The following SPNS2 variants were observed in gnomAD, a reference collection of about 807,000 sequenced individuals.
The protein encoded by SPNS2 is SPNS lysolipid transporter 2, sphingosine-1-phosphate.
Under a neutral mutation model 57.6 loss-of-function variants are expected in SPNS2, and 37 were observed. The observed-to-expected ratio is 0.64, with a 90% CI of 0.49 to 0.85. The LOEUF (loss-of-function observed/expected upper bound fraction) is 0.85. Among genes scored for constraint, SPNS2 ranks in the 40% least tolerant of loss-of-function variants. The probability of loss-of-function intolerance (pLI) is 0.00; values close to 1 mark genes in which losing one functional copy is unlikely to be tolerated. For synonymous variants in SPNS2, 440 were observed against 346.9 expected (o/e 1.27, Z -2.98); for missense variants, 831 against 779.1 (o/e 1.07, Z -0.79).
At chr17:4,522,198 CAGAAAAAAA>C (rs1905157141) in intron 2 of SPNS2, among the ~76,000 whole-genome samples, 1 of 152,090 alleles carries the variant, frequency 6.6e-6, no homozygotes, top group South Asian at 2.1e-4. Flanking sequence ...AACTCCATCT[CAGAAAAAAA>C]AGAAATGAGC....
intron 9 of SPNS2, among the ~76,000 whole-genome samples, chr17:4,534,884 G>A (rs1450789148): frequency 6.6e-6 from 1 of 152,080 alleles, no homozygotes; most frequent in Admixed American, 6.5e-5. Context: ...CCACCCCCAG[G>A]GAGCGCCTGA....
intron 5 of SPNS2, among the ~76,000 whole-genome samples, chr17:4,532,252 CACTG>C: frequency 6.6e-6 from 1 of 152,162 alleles, no homozygotes; most frequent in Non-Finnish European, 1.5e-5. Context: ...TCTATCCACC[CACTG>C]CTCCACTCAC....
Position 4,530,001 on chromosome 17 carries a change from C to T in SPNS2, c.574-631C>T, listed in dbSNP as rs568842954. Among the ~76,000 whole-genome samples, 11 of 152,250 alleles carry T rather than the reference C, an allele frequency of 7.2e-5. No individual in the cohort carries two copies. The East Asian group carries it at 9.7e-4, about 13-fold the overall frequency. ...ATGACCAGGCTGGGTTCTCAGGCCC[C>T]GGGCAGCTGGGGGACGGAGGGAGCA... is the stretch of plus-strand genomic sequence containing the variant. On this transcript the variant is annotated intron_variant, in intron 3 of 12. Coordinates refer to ENST00000329078, the MANE Select transcript of SPNS2 (RefSeq NM_001124758.3).
At position 4,532,787 on chromosome 17, in the gene SPNS2, C is replaced by T. The variant is rs912410033; in HGVS notation, c.935+103C>T. 5 of 1,475,848 alleles carry T rather than the reference C, an allele frequency of 3.4e-6. No individual in the cohort carries two copies. In the African/African-American group the frequency reaches 5.6e-5, roughly 16 times the overall value. 91.4% of individuals were successfully genotyped at this position (1,475,848 alleles called of 1,614,324 possible). A position where few individuals can be genotyped will look rare whatever the true frequency, so the allele number is the denominator to read the frequency against. On this transcript the variant is annotated intron_variant, in intron 6 of 12. Coordinates refer to ENST00000329078, the MANE Select transcript of SPNS2 (RefSeq NM_001124758.3). ...CACTAGCACCCTCAGCCAGACACCC[C>T]ACCTCTGCTGTCTCAGTGCTGGGAG... is the stretch of plus-strand genomic sequence containing the variant.
chr17:4,530,982 G>A, intron 4 of SPNS2, 71 bp from the exon 5 acceptor site: 6 of 1,573,370 alleles, frequency 3.8e-6, no homozygotes, highest in Non-Finnish European at 5.2e-6. Context: ...AGCCTGCCTT[G>A]CAGACCAGCG....
At chr17:4,502,060 T>C (rs1471423393) in intron 1 of SPNS2, among the ~76,000 whole-genome samples, 1 of 152,168 alleles carries the variant, frequency 6.6e-6, no homozygotes, top group African/African-American at 2.4e-5. Context: ...ATATCCAACA[T>C]ATTTCAACAT....
In SPNS2 at chr17:4,537,584, G is replaced by C. The variant is rs1456454162; in HGVS notation, c.*136G>C. 2.2e-6 allele frequency: 1 copy of C among 456,768 alleles called. No individual in the cohort carries two copies. The highest frequency in any genetic ancestry group is 4.4e-6 in the Non-Finnish European group (1 of 226,976). 28.3% of individuals were successfully genotyped at this position (456,768 alleles called of 1,614,324 possible). ...CTAGGCACCCACCCTCTCTGGCCCAGGCCTGCTGAGTGGCCCTGGCATCAA... is the reference window on the plus strand; with the variant it reads ...CTAGGCACCCACCCTCTCTGGCCCACGCCTGCTGAGTGGCCCTGGCATCAA... On this transcript the variant is annotated 3_prime_UTR_variant, in exon 13 of 13. Coordinates refer to ENST00000329078, the MANE Select transcript of SPNS2 (RefSeq NM_001124758.3).
At chr17:4,522,611 G>A (rs372678470) in intron 2 of SPNS2, among the ~76,000 whole-genome samples, 23 of 152,146 alleles carry the variant, frequency 1.5e-4, no homozygotes, top group Non-Finnish European at 2.2e-4. Context: ...GTCCCATCTC[G>A]CCAGGGTCTC....
At chr17:4,532,909 T>A in intron 6 of SPNS2, 68 bp from the exon 7 acceptor site, 1 of 1,551,512 alleles carries the variant, frequency 6.4e-7, no homozygotes, top group Non-Finnish European at 8.7e-7. Context: ...GTTCCCCCAG[T>A]GCATGGGGCT....
chr17:4,513,337 C>T (rs1334187070), intron 2 of SPNS2, 25 bp downstream of exon 2: 3 of 1,612,670 alleles, frequency 1.9e-6, no homozygotes, highest in East Asian at 2.2e-5. Flanking sequence ...CCACCTTCCC[C>T]CCCACGCCCA....
intron 3 of SPNS2, among the ~76,000 whole-genome samples, chr17:4,527,184 A>G (rs1905281477): frequency 6.6e-6 from 1 of 152,390 alleles, no homozygotes; most frequent in South Asian, 2.1e-4. Context: ...GGTTTCTGGT[A>G]GACTTTGGCA....
chr17:4,536,888 T>C lies in SPNS2; in HGVS notation c.1608-12T>C, dbSNP rs776134859. On this transcript the variant is annotated splice_polypyrimidine_tract_variant and intron_variant, in intron 11 of 12. Transcript: ENST00000329078. The stretch of plus-strand genomic sequence containing the variant: ...GATGCACCACCCTGACCCCCGCCCG[T>C]CTCTCCCCCAGGGTGAACCAGCTGG... 1.2e-6 allele frequency: 2 copies of C among 1,612,804 alleles called. No individual in the cohort carries two copies.
At chr17:4,509,574 C>T (rs555217056) in intron 1 of SPNS2, among the ~76,000 whole-genome samples, 14 of 152,274 alleles carry the variant, frequency 9.2e-5, no homozygotes, top group Non-Finnish European at 1.3e-4. Context: ...GTGCAGGAGC[C>T]GGAAGCCAGG....
intron 8 of SPNS2, 178 bp downstream of exon 8, chr17:4,533,610 G>C: frequency 2.0e-6 from 2 of 984,020 alleles, no homozygotes; most frequent in South Asian, 1.6e-5. Flanking sequence ...GGGCCTCTGG[G>C]TGCCTCAGGG....
At chr17:4,534,014 G>T (rs1905633525) in intron 9 of SPNS2, among the ~76,000 whole-genome samples, 161 bp downstream of exon 9, 2 of 152,164 alleles carry the variant, frequency 1.3e-5, no homozygotes, top group African/African-American at 4.8e-5. Flanking sequence ...GAGAGTTTGG[G>T]GTCTGCCTCT....
At position 4,538,969 on chromosome 17, in the gene SPNS2, TCA is replaced by T. The variant is rs1491432050; in HGVS notation, c.*1522_*1523del. 3.3e-5 allele frequency: 26 copies of T among 790,216 alleles called. 1 individual carries two copies. Among genetic ancestry groups the T allele is most frequent in the Non-Finnish European group, 5.4e-5 (23 of 426,622 alleles). 49.0% of individuals were successfully genotyped at this position (790,216 alleles called of 1,614,324 possible). On this transcript the variant is annotated 3_prime_UTR_variant, in exon 13 of 13. Transcript: ENST00000329078. ...TTTTTAGAGCTGCTGATTGTGAATC[TCA>T]GAGTCTTAAGAGAGAAGCCAAATAT...
At chr17:4,529,014 G>C (rs956294065) in intron 3 of SPNS2, among the ~76,000 whole-genome samples, 3 of 151,094 alleles carry the variant, frequency 2.0e-5, no homozygotes, top group African/African-American at 2.4e-5. Context: ...TTGGCTCACT[G>C]CAACCTCCAC....
chr17:4,537,806 G>A lies in SPNS2; in HGVS notation c.*358G>A, dbSNP rs56042174. On this transcript the variant is annotated 3_prime_UTR_variant, in exon 13 of 13. Coordinates refer to ENST00000329078, the MANE Select transcript of SPNS2 (RefSeq NM_001124758.3). ...GGCAAGTCCCTGCCCTCCCTGGAACGAAGGGCCAGGGGGCTGGACTTTCCC... is the reference window on the plus strand; with the variant it reads ...GGCAAGTCCCTGCCCTCCCTGGAACAAAGGGCCAGGGGGCTGGACTTTCCC... The A allele has an allele frequency of 0.029, 13,166 of 455,672 alleles. 271 individuals are homozygous for A. The highest frequency in any genetic ancestry group is 0.034 in the Non-Finnish European group (7,734 of 226,090). The allele number at this position is 455,672 out of a possible 1,614,324, so 28.2% of individuals were successfully genotyped here.
Position 4,533,003 on chromosome 17 carries a change from C to T in SPNS2, c.962C>T (p.Ala321Val). The T allele has an allele frequency of 1.2e-6, 2 of 1,612,988 alleles. No individual in the cohort carries two copies. The highest frequency in any genetic ancestry group is 1.7e-6 in the Non-Finnish European group (2 of 1,179,772). The change falls in exon 7 of 13, where the codon GCC (alanine) becomes GTC (valine). Residue 321 changes from alanine (A) to valine (V), a missense_variant. Physicochemically the swap from Ala to Val is moderately conservative, Grantham distance 64. Coordinates refer to ENST00000329078, the MANE Select transcript of SPNS2 (RefSeq NM_001124758.3). ...RNRSYVFSSL[A>V]TSAVSFATGA... is the part of the protein sequence containing the mutation. ...CGCAGCTACGTCTTCTCCTCCCTGG[C>T]CACGTCGGCTGTCTCCTTCGCCACG...
Sources: gnomAD v4.1 joint callset for allele counts (sites outside exome capture counted in the v4.1 genomes callset) on GRCh38, gnomAD v4.1.1 for gene constraint, MANE v1.5 for transcripts, NCBI Gene and HGNC (gene_info 2026-07-23, HGNC 2026-07-21) for gene names.